Variants in NUF2 observed in about 807,000 individuals in gnomAD.
NUF2 encodes kinetochore protein Nuf2.
Under a neutral mutation model 61.8 loss-of-function variants are expected in NUF2, and 34 were observed. The ratio of observed to expected loss-of-function variants is 0.55; its 90% CI spans 0.42 to 0.73. The LOEUF (loss-of-function observed/expected upper bound fraction) is 0.73. NUF2 is among the 30% of genes least tolerant of loss of function. The probability of loss-of-function intolerance (pLI) is 0.00; values close to 1 mark genes in which losing one functional copy is unlikely to be tolerated. For synonymous variants in NUF2, 172 were observed against 181.6 expected (o/e 0.95, Z 0.42); for missense variants, 445 against 539.1 (o/e 0.83, Z 1.73).
chr1:163,328,694 G>T (rs980342205), intron 4 of NUF2, 152 bp from the exon 5 acceptor site: 1 of 592,204 alleles, frequency 1.7e-6, no homozygotes, highest in Non-Finnish European at 3.0e-6. Flanking sequence ...GTGCTATAGG[G>T]TTATACATTA....
intron 9 of NUF2, among the ~76,000 whole-genome samples, chr1:163,341,744 C>T (rs1220827598): frequency 6.6e-6 from 1 of 152,112 alleles, no homozygotes. Flanking sequence ...TCTCTTGCCT[C>T]AGCCTCCCAA....
At chr1:163,351,144 C>T (rs1404561345) in intron 13 of NUF2, among the ~76,000 whole-genome samples, 1 of 152,126 alleles carries the variant, frequency 6.6e-6, no homozygotes, top group African/African-American at 2.4e-5. Context: ...ATCTCTGTTT[C>T]CTATTTGTCA....
chr1:163,340,747 T>A (rs1650917556), intron 9 of NUF2, among the ~76,000 whole-genome samples: 1 of 152,156 alleles, frequency 6.6e-6, no homozygotes, highest in South Asian at 2.1e-4. Context: ...TACCTGCTTT[T>A]TTCTCCACTT....
chr1:163,342,389 A>G (rs980011736), intron 9 of NUF2, among the ~76,000 whole-genome samples: 11 of 152,164 alleles, frequency 7.2e-5, no homozygotes, highest in Non-Finnish European at 1.5e-4. Context: ...AAGTGATGAA[A>G]GTTAACACTA....
At chr1:163,332,482 A>G (rs1429338872) in intron 5 of NUF2, among the ~76,000 whole-genome samples, 1 of 152,078 alleles carries the variant, frequency 6.6e-6, no homozygotes, top group Admixed American at 6.6e-5. Flanking sequence ...ATTCTCCTGT[A>G]GTTCTAGTGG....
At chr1:163,351,401 A>G (rs1230286417) in intron 13 of NUF2, among the ~76,000 whole-genome samples, 2 of 152,142 alleles carry the variant, frequency 1.3e-5, no homozygotes, top group Non-Finnish European at 2.9e-5. Context: ...TTTAATTCAG[A>G]ATTTTACTTT....
At chr1:163,323,123 ATAT>A (rs1437476616) in intron 1 of NUF2, 1 of 152,238 alleles carries the variant, frequency 6.6e-6, no homozygotes, top group Admixed American at 6.5e-5. Flanking sequence ...TTTCATACAA[ATAT>A]TATATGATGC....
At chr1:163,325,811 A>G (rs1334971208) in intron 1 of NUF2, among the ~76,000 whole-genome samples, 1 of 152,214 alleles carries the variant, frequency 6.6e-6, no homozygotes, top group African/African-American at 2.4e-5. Flanking sequence ...AAAGAGAACG[A>G]CACTAGAAAA....
chr1:163,338,445 C>T (rs1045408098), intron 7 of NUF2, among the ~76,000 whole-genome samples: 3 of 151,992 alleles, frequency 2.0e-5, no homozygotes, highest in Non-Finnish European at 4.4e-5. Flanking sequence ...TTGATTCCAT[C>T]AAATGTTTAC....
chr1:163,345,534 T>C, intron 10 of NUF2, 144 bp from the exon 11 acceptor site: 1 of 662,638 alleles, frequency 1.5e-6, no homozygotes, highest in Non-Finnish European at 2.5e-6. Context: ...AGTGCTGTAT[T>C]ACTGACCTAG....
chr1:163,322,281 A>G (rs1012277104), intron 1 of NUF2, 69 bp downstream of exon 1: 1 of 152,256 alleles, frequency 6.6e-6, no homozygotes, highest in African/African-American at 2.4e-5. Context: ...CTCAGTTCCT[A>G]CTAAACTAAC....
intron 10 of NUF2, 97 bp downstream of exon 10, chr1:163,343,967 C>G: frequency 1.5e-6 from 1 of 651,268 alleles, no homozygotes; most frequent in Non-Finnish European, 2.3e-6. Context: ...TCTGAATTAT[C>G]TATACTTCTC....
chr1:163,331,598 TG>T (rs1242973143), intron 5 of NUF2, among the ~76,000 whole-genome samples: 3 of 152,042 alleles, frequency 2.0e-5, no homozygotes, highest in Non-Finnish European at 2.9e-5. Context: ...TTTGAATATT[TG>T]GTAGAATTTA....
intron 8 of NUF2, 116 bp downstream of exon 8, chr1:163,339,593 T>C (rs1468418708): frequency 1.6e-6 from 1 of 631,456 alleles, no homozygotes; most frequent in Non-Finnish European, 2.8e-6. Flanking sequence ...AAACAGAATA[T>C]ATTTCTGTGC....
chr1:163,346,453 A>G (rs1651131409), intron 11 of NUF2, among the ~76,000 whole-genome samples: 2 of 152,172 alleles, frequency 1.3e-5, no homozygotes, highest in African/African-American at 4.8e-5. Context: ...CATCTGCTTC[A>G]GGTGATCCTA....
At chr1:163,336,337 G>A (rs945942276) in intron 5 of NUF2, among the ~76,000 whole-genome samples, 1 of 152,040 alleles carries the variant, frequency 6.6e-6, no homozygotes, top group East Asian at 1.9e-4. Flanking sequence ...AGTTTTATTT[G>A]TGTTCTCTTT....
chr1:163,342,056 C>T (rs1468823659), intron 9 of NUF2, among the ~76,000 whole-genome samples: 1 of 152,110 alleles, frequency 6.6e-6, no homozygotes, highest in Non-Finnish European at 1.5e-5. Context: ...TTTATAGATA[C>T]GGCCTTTATG....
chr1:163,335,270 G>T (rs1318898455), intron 5 of NUF2, among the ~76,000 whole-genome samples: 1 of 152,112 alleles, frequency 6.6e-6, no homozygotes, highest in African/African-American at 2.4e-5. Context: ...AGGTGTAAGG[G>T]ACTGGTGCAT....
rs949380670 is a variant in NUF2, at chr1:163,343,804, T to C, written c.741T>C (p.Ser247=). The part of the protein sequence containing the change: ...QESLKTKIVD[S]PEKLKNYKEK... ...GTTTGAAAACAAAAATTGTGGATTCTCCAGAGAAGTTAAAGAATTATAAAG... is the reference window on the plus strand; with the variant it reads ...GTTTGAAAACAAAAATTGTGGATTCCCCAGAGAAGTTAAAGAATTATAAAG... The change falls in exon 10 of 14, where the codon TCT becomes TCC. Residue 247 remains serine (S), a synonymous_variant. Transcript: ENST00000271452. 6 of 1,443,546 alleles carry C rather than the reference T, an allele frequency of 4.2e-6. No homozygotes were observed. The African/African-American group carries it at 8.9e-5, about 21-fold the overall frequency. 89.4% of individuals were successfully genotyped at this position (1,443,546 alleles called of 1,614,324 possible).
Sources: gnomAD v4.1 joint callset for allele counts (sites outside exome capture counted in the v4.1 genomes callset) on GRCh38, gnomAD v4.1.1 for gene constraint, MANE v1.5 for transcripts, NCBI Gene and HGNC (gene_info 2026-07-23, HGNC 2026-07-21) for gene names.